The following DEPTOR variants were observed in gnomAD, a reference collection of about 807,000 sequenced individuals.
DEPTOR encodes DEP domain containing MTOR interacting protein.
Under a neutral mutation model 41.6 loss-of-function variants are expected in DEPTOR, and 41 were observed. The observed-to-expected ratio is 0.98, with a 90% CI of 0.77 to 1.28. The LOEUF is 1.28. Ranked by LOEUF, DEPTOR falls within the 50% of genes most tolerant of loss-of-function variation. The pLI is 0.00. For synonymous variants in DEPTOR, 195 were observed against 192.3 expected (o/e 1.01, Z -0.12); for missense variants, 514 against 527.9 (o/e 0.97, Z 0.26).
At chr8:119,893,773 C>G (rs1198327983) in intron 1 of DEPTOR, among the ~76,000 whole-genome samples, 1 of 72,868 alleles carries the variant, frequency 1.4e-5, no homozygotes, top group Non-Finnish European at 3.2e-5. Flanking sequence ...AAGACTCCGT[C>G]TCAAAAAAAA....
At chr8:119,964,580 GTCT>G (rs142224739) in intron 3 of DEPTOR, among the ~76,000 whole-genome samples, 2,350 of 148,674 alleles carry the variant, frequency 0.016, 20 homozygotes, top group Non-Finnish European at 0.025. Context: ...CACAGCACTT[GTCT>G]TCTTAGCACA....
chr8:119,993,075 C>G (rs1812201088), intron 4 of DEPTOR, among the ~76,000 whole-genome samples: 1 of 152,040 alleles, frequency 6.6e-6, no homozygotes. Flanking sequence ...AAGTAATCAG[C>G]TTCTATTATT....
intron 4 of DEPTOR, among the ~76,000 whole-genome samples, chr8:119,976,545 A>G (rs1014595207): frequency 1.3e-5 from 2 of 151,918 alleles, no homozygotes; most frequent in African/African-American, 2.4e-5. Context: ...CTTTAAATAT[A>G]TGGCAGAGCC....
At chr8:119,950,580 T>C (rs1012010334) in intron 3 of DEPTOR, among the ~76,000 whole-genome samples, 2 of 151,940 alleles carry the variant, frequency 1.3e-5, no homozygotes, top group Admixed American at 6.6e-5. Flanking sequence ...CACACCTTGC[T>C]AATCTTTTCT....
chr8:119,885,067 T>C (rs115714584), intron 1 of DEPTOR, among the ~76,000 whole-genome samples: 2,819 of 152,310 alleles, frequency 0.019, 86 homozygotes, highest in African/African-American at 0.063. Context: ...CCTGAATTTC[T>C]TGATTTGAAT....
chr8:119,933,453 G>GACAC (rs35420959), intron 3 of DEPTOR, among the ~76,000 whole-genome samples: 17,525 of 124,358 alleles, frequency 0.14, 1,369 homozygotes, highest in South Asian at 0.24. Flanking sequence ...GACAGAGCAA[G>GACAC]ACACACACAC....
At chr8:119,984,538 G>A (rs1586644647) in intron 4 of DEPTOR, among the ~76,000 whole-genome samples, 2 of 152,100 alleles carry the variant, frequency 1.3e-5, no homozygotes, top group African/African-American at 4.8e-5. Context: ...CTGTTCCTGT[G>A]TTAGTTTGCT....
At chr8:119,964,515 C>CAAAAAAAAAAA (rs536731714) in intron 3 of DEPTOR, among the ~76,000 whole-genome samples, 6 of 121,688 alleles carry the variant, frequency 4.9e-5, no homozygotes, top group African/African-American at 1.6e-4. Context: ...AAGCCCGTCT[C>CAAAAAAAAAAA]AAAAAAAAAA....
intron 1 of DEPTOR, among the ~76,000 whole-genome samples, chr8:119,920,920 T>C (rs1180391334): frequency 1.3e-5 from 2 of 152,098 alleles, no homozygotes; most frequent in Non-Finnish European, 2.9e-5. Flanking sequence ...TTCTCTGTGC[T>C]GCCCCCACTC....
At chr8:119,926,415 C>A (rs1255623926) in intron 1 of DEPTOR, among the ~76,000 whole-genome samples, 2 of 152,164 alleles carry the variant, frequency 1.3e-5, no homozygotes, top group African/African-American at 4.8e-5. Flanking sequence ...AATGTACTAA[C>A]CTTCAAGGTT....
intron 1 of DEPTOR, among the ~76,000 whole-genome samples, chr8:119,928,167 G>A (rs184271110): frequency 1.1e-4 from 17 of 152,186 alleles, no homozygotes; most frequent in Admixed American, 1.1e-3. Context: ...AGGGTTCTGG[G>A]TTGGCTGTGA....
intron 4 of DEPTOR, among the ~76,000 whole-genome samples, chr8:119,987,000 A>G (rs1039958903): frequency 2.0e-5 from 3 of 151,786 alleles, no homozygotes; most frequent in African/African-American, 7.3e-5. Flanking sequence ...AGAGGAGTTT[A>G]TTATTATCCA....
intron 3 of DEPTOR, among the ~76,000 whole-genome samples, chr8:119,955,912 A>G (rs1828411627): frequency 6.6e-6 from 1 of 152,210 alleles, no homozygotes; most frequent in Non-Finnish European, 1.5e-5. Context: ...GAGAAGGAGA[A>G]GAACTCATCT....
At chr8:119,970,591 T>A (rs1828619241) in intron 4 of DEPTOR, among the ~76,000 whole-genome samples, 1 of 152,210 alleles carries the variant, frequency 6.6e-6, no homozygotes, top group African/African-American at 2.4e-5. Context: ...TTCCCATTCC[T>A]CGGATTTTGA....
At chr8:119,933,990 A>G (rs1353274565) in intron 3 of DEPTOR, among the ~76,000 whole-genome samples, 1 of 152,000 alleles carries the variant, frequency 6.6e-6, no homozygotes, top group Non-Finnish European at 1.5e-5. Flanking sequence ...AGCGATTCTC[A>G]TGCCTCCGCC....
chr8:120,002,815 A>G (rs1409151244), intron 5 of DEPTOR, among the ~76,000 whole-genome samples, 162 bp from the exon 6 acceptor site: 3 of 114,286 alleles, frequency 2.6e-5, no homozygotes, highest in Non-Finnish European at 5.5e-5. Context: ...TATATATAAT[A>G]TAAAGTAAGT....
chr8:119,897,747 G>A (rs1015875427), intron 1 of DEPTOR, among the ~76,000 whole-genome samples: 16 of 152,008 alleles, frequency 1.1e-4, no homozygotes, highest in Admixed American at 7.2e-4. Flanking sequence ...TGCTTGCCTC[G>A]GCCTCCCAAA....
chr8:119,919,373 T>C (rs1827862500), intron 1 of DEPTOR, among the ~76,000 whole-genome samples: 1 of 152,196 alleles, frequency 6.6e-6, no homozygotes, highest in African/African-American at 2.4e-5. Context: ...TCATTGCCAG[T>C]TAACCCAGCT....
intron 1 of DEPTOR, among the ~76,000 whole-genome samples, chr8:119,886,918 G>A (rs1248667345): frequency 6.6e-6 from 1 of 151,918 alleles, no homozygotes; most frequent in Non-Finnish European, 1.5e-5. Context: ...GCTATTTGTC[G>A]GGCATCTCAG....
Sources: allele counts gnomAD v4.1 joint callset (sites outside exome capture counted in the v4.1 genomes callset), GRCh38; gene constraint gnomAD v4.1.1; transcripts MANE v1.5; gene names NCBI Gene and HGNC (gene_info 2026-07-23, HGNC 2026-07-21).